NMT2: variants seen among roughly 807,000 people sequenced by gnomAD.
NMT2 encodes the protein N-myristoyltransferase 2, also known as glycylpeptide N-tetradecanoyltransferase 2.
NMT2 carries 35 observed loss-of-function variants against 65.4 expected under a neutral mutation model. That is an observed-to-expected ratio of 0.54 (90% CI 0.41 to 0.71). NMT2 has a LOEUF of 0.71. NMT2 is among the 30% of genes least tolerant of loss of function. The pLI is 0.00. For synonymous variants in NMT2, 226 were observed against 231.8 expected, an observed-to-expected ratio of 0.98 and a Z score of 0.23; for missense variants, 489 against 611.3, an observed-to-expected ratio of 0.80 and a Z score of 2.11.
intron 1 of NMT2, among the ~76,000 whole-genome samples, chr10:15,152,309 C>T (rs1242855699): frequency 2.6e-5 from 4 of 152,160 alleles, no homozygotes; most frequent in Non-Finnish European, 2.9e-5. Context: ...AGGTCATGGT[C>T]CACTCTGGGA....
At chr10:15,127,564 A>ATAAAAT (rs1368888255) in intron 8 of NMT2, among the ~76,000 whole-genome samples, 1 of 90,410 alleles carries the variant, frequency 1.1e-5, no homozygotes, top group African/African-American at 1.3e-4. Flanking sequence ...AAAAAAAAAA[A>ATAAAAT]AAAAAATAAA....
intron 1 of NMT2, among the ~76,000 whole-genome samples, chr10:15,167,766 T>G (rs1392916442): frequency 6.6e-6 from 1 of 152,076 alleles, no homozygotes; most frequent in African/African-American, 2.4e-5. Context: ...TCCGATCAAG[T>G]GTGAAAATGC....
chr10:15,163,348 A>G (rs1290586638), intron 1 of NMT2, among the ~76,000 whole-genome samples: 1 of 152,244 alleles, frequency 6.6e-6, no homozygotes, highest in Non-Finnish European at 1.5e-5. Flanking sequence ...GTATAGATGT[A>G]TAACGTACAT....
chr10:15,132,072 C>T (rs986746225), intron 6 of NMT2, among the ~76,000 whole-genome samples: 10 of 152,028 alleles, frequency 6.6e-5, no homozygotes, highest in Non-Finnish European at 1.3e-4. Flanking sequence ...GCCATGTTGG[C>T]CAGGCTGGTC....
At chr10:15,165,887 A>T (rs1833362175) in intron 1 of NMT2, among the ~76,000 whole-genome samples, 1 of 151,980 alleles carries the variant, frequency 6.6e-6, no homozygotes, top group Non-Finnish European at 1.5e-5. Flanking sequence ...AAAAAAAAAA[A>T]AAAAGGTACA....
intron 9 of NMT2, 90 bp downstream of exon 9, chr10:15,119,253 T>G (rs566940667): frequency 1.8e-6 from 2 of 1,105,558 alleles, no homozygotes; most frequent in Non-Finnish European, 2.7e-6. Flanking sequence ...TGTGATGAAA[T>G]AGAAGGAAGT....
At chr10:15,162,251 C>CA (rs35457996) in intron 1 of NMT2, among the ~76,000 whole-genome samples, 1,549 of 67,696 alleles carry the variant, frequency 0.023, 23 homozygotes, top group African/African-American at 0.037. Flanking sequence ...GACCTTGTCT[C>CA]AAAAAAAAAA....
At position 15,108,963 on chromosome 10, in the gene NMT2, T is replaced by C; in HGVS notation, c.*232A>G. The C allele has an allele frequency of 2.3e-6, 3 of 1,298,574 alleles. No individual in the cohort carries two copies. The highest frequency in any genetic ancestry group is 1.9e-6 in the Non-Finnish European group (2 of 1,026,262). The allele number at this position is 1,298,574 out of a possible 1,614,324, so 80.4% of individuals were successfully genotyped here. A position where few individuals can be genotyped will look rare whatever the true frequency, so the allele number is the denominator to read the frequency against. ...TTGAAAATTACAAGAATGTGCTCTT[T>C]GTAGCCTTTCATCCCTCCCACAAAT... is the stretch of plus-strand genomic sequence containing the variant. On this transcript the variant is annotated 3_prime_UTR_variant, in exon 12 of 12. Coordinates refer to ENST00000378165, the MANE Select transcript of NMT2 (RefSeq NM_004808.3).
intron 1 of NMT2, among the ~76,000 whole-genome samples, chr10:15,142,042 A>G (rs1846791739): frequency 6.6e-6 from 1 of 152,166 alleles, no homozygotes; most frequent in Non-Finnish European, 1.5e-5. Context: ...TAACAATGAA[A>G]AGCTTTAAGT....
At chr10:15,163,577 C>A (rs1833273581) in intron 1 of NMT2, among the ~76,000 whole-genome samples, 2 of 152,188 alleles carry the variant, frequency 1.3e-5, no homozygotes, top group African/African-American at 4.8e-5. Context: ...GATAACAGAT[C>A]AAATTTCAGA....
intron 6 of NMT2, among the ~76,000 whole-genome samples, 193 bp downstream of exon 6, chr10:15,132,624 A>T (rs1271807549): frequency 6.6e-6 from 1 of 151,548 alleles, no homozygotes; most frequent in Non-Finnish European, 1.5e-5. Flanking sequence ...ATGGGGTTTC[A>T]CCCATGTTGA....
At chr10:15,123,859 A>G (rs1846001550) in intron 8 of NMT2, among the ~76,000 whole-genome samples, 1 of 152,210 alleles carries the variant, frequency 6.6e-6, no homozygotes, top group Non-Finnish European at 1.5e-5. Flanking sequence ...TTATAAGTAC[A>G]TAAGGAAATG....
At chr10:15,164,761 G>A (rs1833321061) in intron 1 of NMT2, among the ~76,000 whole-genome samples, 1 of 152,078 alleles carries the variant, frequency 6.6e-6, no homozygotes, top group African/African-American at 2.4e-5. Context: ...CTCCAGGCCG[G>A]GCACCATGGC....
intron 1 of NMT2, 93 bp downstream of exon 1, chr10:15,168,410 A>G: frequency 1.1e-6 from 1 of 897,848 alleles, no homozygotes; most frequent in Non-Finnish European, 1.7e-6. Flanking sequence ...CGGCCGAAGA[A>G]CCCCCAGTCC....
rs1475756313 is a variant in NMT2 at position 15,108,739 on chromosome 10, T to TA, written c.*455dup. On this transcript the variant is annotated 3_prime_UTR_variant, in exon 12 of 12. Coordinates refer to ENST00000378165, the MANE Select transcript of NMT2 (RefSeq NM_004808.3). ...GTGATACCATGTAAGGTGATACCAG[T>TA]AAAAAAAATTTCCAAATGGATCTTT... 6 of 1,020,414 alleles carry TA rather than the reference T, an allele frequency of 5.9e-6. No homozygotes were observed. Among genetic ancestry groups the TA allele is most frequent in the East Asian group, 2.2e-4 (2 of 9,114 alleles). The allele number at this position is 1,020,414 out of a possible 1,614,324, so 63.2% of individuals were successfully genotyped here. A position where few individuals can be genotyped will look rare whatever the true frequency, so the allele number is the denominator to read the frequency against.
At position 15,108,818 on chromosome 10, in the gene NMT2, TTTC is replaced by T; in HGVS notation, c.*374_*376del. The T allele has an allele frequency of 9.6e-7, 1 of 1,040,722 alleles. No homozygotes were observed. The highest frequency in any genetic ancestry group is 1.2e-6 in the Non-Finnish European group (1 of 866,676). The allele number at this position is 1,040,722 out of a possible 1,614,324, so 64.5% of individuals were successfully genotyped here. A position where few individuals can be genotyped will look rare whatever the true frequency, so the allele number is the denominator to read the frequency against. On this transcript the variant is annotated 3_prime_UTR_variant, in exon 12 of 12. Coordinates refer to ENST00000378165, the MANE Select transcript of NMT2 (RefSeq NM_004808.3). ...CACTTAAGAAACAGAAATGCAGCAA[TTTC>T]TCTCCACACAATAGCAAAGATTTTC... is the stretch of plus-strand genomic sequence containing the variant.
Position 15,109,223 on chromosome 10 carries a change from G to A in NMT2, c.1477-8C>T, listed in dbSNP as rs773078276. The A allele has an allele frequency of 6.2e-7, 1 of 1,603,416 alleles. No homozygotes were observed. Among genetic ancestry groups the A allele is most frequent in the African/African-American group, 1.3e-5 (1 of 74,324 alleles). On this transcript the variant is annotated splice_region_variant and splice_polypyrimidine_tract_variant and intron_variant, in intron 11 of 11. Coordinates refer to ENST00000378165, the MANE Select transcript of NMT2 (RefSeq NM_004808.3). ...TTGTAGTACTAGTCCAACCTGAAGG[G>A]AGGGAAGAAATGGAATAGTAAGAAA...
chr10:15,115,788 C>T (rs1845723312), intron 9 of NMT2, among the ~76,000 whole-genome samples: 2 of 152,028 alleles, frequency 1.3e-5, no homozygotes, highest in Non-Finnish European at 2.9e-5. Flanking sequence ...GGTCTGGTCA[C>T]AGTAATATAC....
chr10:15,128,551 C>G, intron 7 of NMT2, 93 bp from the exon 8 acceptor site: 1 of 769,950 alleles, frequency 1.3e-6, no homozygotes, highest in Non-Finnish European at 2.2e-6. Context: ...TAAGCATTTA[C>G]TGAATACTTA....
Sources: allele counts gnomAD v4.1 joint callset (sites outside exome capture counted in the v4.1 genomes callset), GRCh38; gene constraint gnomAD v4.1.1; transcripts MANE v1.5; gene names NCBI Gene and HGNC (gene_info 2026-07-23, HGNC 2026-07-21).